The following DCTPP1 variants were observed in gnomAD, a reference collection of about 807,000 sequenced individuals.
DCTPP1 encodes dCTP pyrophosphatase 1.
A neutral mutation model predicts 8.8 loss-of-function variants in DCTPP1; 8 were observed. That is an observed-to-expected ratio of 0.91 (90% CI 0.54 to 1.64). DCTPP1 has a LOEUF of 1.64. Ranked by LOEUF, DCTPP1 falls within the 40% of genes most tolerant of loss-of-function variation. DCTPP1 has a pLI of 0.00. For synonymous variants in DCTPP1, 85 were observed against 92.1 expected, an observed-to-expected ratio of 0.92 and a Z score of 0.44; for missense variants, 231 against 230.4, an observed-to-expected ratio of 1.00 and a Z score of -0.02.
intron 2 of DCTPP1, among the ~76,000 whole-genome samples, chr16:30,425,726 A>G (rs1051635845): frequency 1.3e-5 from 2 of 152,120 alleles, no homozygotes; most frequent in Non-Finnish European, 2.9e-5. Context: ...GGAGGGCAGA[A>G]GAATCGCTTG....
At chr16:30,429,312 A>C in intron 1 of DCTPP1, 145 bp from the exon 2 acceptor site, 1 of 739,878 alleles carries the variant, frequency 1.4e-6, no homozygotes, top group Non-Finnish European at 2.1e-6. Context: ...TGTGCAGGTC[A>C]TTTCCTCTTT....
In DCTPP1 at chr16:30,429,088, C is replaced by T; in HGVS notation, c.181G>A (p.Val61Ile). Residue 61 changes from valine to isoleucine, a missense_variant, in exon 2 of 3, where the codon GTT becomes ATT. Physicochemically the swap from Val to Ile is conservative, Grantham distance 29. Transcript: ENST00000319285. ...TCTGCCAGCTCCCCCACTTCCCCAA[C>T]CAAGGCCAGGAGGAGATTCCGAGGC... ...HQPRNLLLAL[V>I]GEVGELAELF... 1 of 1,613,930 alleles carries T rather than the reference C, an allele frequency of 6.2e-7. No individual in the cohort carries two copies. The highest frequency in any genetic ancestry group is 8.5e-7 in the Non-Finnish European group (1 of 1,179,916).
intron 1 of DCTPP1, 179 bp from the exon 2 acceptor site, chr16:30,429,346 T>C: frequency 1.7e-6 from 1 of 575,720 alleles, no homozygotes; most frequent in Non-Finnish European, 2.9e-6. Context: ...CCCTCATCTA[T>C]AAAATGGGCG....
intron 2 of DCTPP1, among the ~76,000 whole-genome samples, chr16:30,426,616 C>T (rs905610846): frequency 3.3e-5 from 5 of 151,792 alleles, no homozygotes; most frequent in Admixed American, 1.3e-4. Flanking sequence ...TGATTATAGG[C>T]GCCTGTGACC....
At chr16:30,428,757 A>AC (rs1424876190) in intron 2 of DCTPP1, 1 of 417,936 alleles carries the variant, frequency 2.4e-6, no homozygotes, top group African/African-American at 2.1e-5. Context: ...ACAGAGCGAG[A>AC]CCCCGTCTCA....
chr16:30,424,616 A>C, intron 2 of DCTPP1, 83 bp from the exon 3 acceptor site: 1 of 1,515,400 alleles, frequency 6.6e-7, no homozygotes, highest in Non-Finnish European at 8.8e-7. Context: ...AATAACACCC[A>C]CCTCCAAGGA....
At position 30,424,534 on chromosome 16, in the gene DCTPP1, C is replaced by A; in HGVS notation, c.213-1G>T. 1 of 1,612,868 alleles carries A rather than the reference C, an allele frequency of 6.2e-7. No homozygotes were observed. ...AGGTTCCCCATCGGTTTTCCACTGA[C>A]TAGGGGCAGAACACAGACAGACACA... On this transcript the variant is annotated splice_acceptor_variant, in intron 2 of 2. Transcript: ENST00000319285. LOFTEE classifies it high-confidence loss of function.
Position 30,429,117 on chromosome 16 carries a change from T to C in DCTPP1, c.152A>G (p.His51Arg). 1 of 1,614,006 alleles carries C rather than the reference T, an allele frequency of 6.2e-7. No homozygotes were observed. Among genetic ancestry groups the C allele is most frequent in the Non-Finnish European group, 8.5e-7 (1 of 1,179,956 alleles). Reference sequence around the variant, plus strand: ...GGCCAGGAGGAGATTCCGAGGCTGATGGAACTGTTCCCAGTCTCGTTCCGC... The same window carrying C: ...GGCCAGGAGGAGATTCCGAGGCTGACGGAACTGTTCCCAGTCTCGTTCCGC... ...FAAERDWEQF[H>R]QPRNLLLALV... Residue 51 changes from histidine (H) to arginine (R), a missense_variant, in exon 2 of 3, where the codon CAT becomes CGT. Coordinates refer to ENST00000319285, the MANE Select transcript of DCTPP1 (RefSeq NM_024096.2).
chr16:30,424,877 G>T (rs1258677017), intron 2 of DCTPP1, among the ~76,000 whole-genome samples: 1 of 152,144 alleles, frequency 6.6e-6, no homozygotes, highest in African/African-American at 2.4e-5. Context: ...TTCTACTCCT[G>T]CCCAGACCAT....
Position 30,424,356 on chromosome 16 carries a change from T to A in DCTPP1, c.390A>T (p.Pro130=). The change falls in exon 3 of 3, where the codon CCA becomes CCT. Residue 130 remains proline (P), a synonymous_variant. Coordinates refer to ENST00000319285, the MANE Select transcript of DCTPP1 (RefSeq NM_024096.2). The part of the protein sequence containing the change: ...SKMDINRRRY[P]AHLARSSSRK... ...GGGAAGAGCTGCGGGCCAGATGGGC[T>A]GGGTAGCGTCGCCGGTTGATGTCCA... The A allele has an allele frequency of 1.2e-6, 2 of 1,614,226 alleles. No homozygotes were observed. The highest frequency in any genetic ancestry group is 1.3e-5 in the African/African-American group (1 of 75,066).
chr16:30,429,773 C>T (rs769942134), intron 1 of DCTPP1, 107 bp downstream of exon 1: 7 of 1,133,970 alleles, frequency 6.2e-6, no homozygotes, highest in Non-Finnish European at 8.6e-6. Flanking sequence ...AGAGCCAGGA[C>T]CCGAGCCCCG....
chr16:30,429,188 G>GT, intron 1 of DCTPP1, 21 bp from the exon 2 acceptor site: 2 of 1,613,244 alleles, frequency 1.2e-6, no homozygotes, highest in Non-Finnish European at 1.7e-6. Flanking sequence ...ACAAAGGAGT[G>GT]TAAGTCCAAG....
intron 2 of DCTPP1, 60 bp downstream of exon 2, chr16:30,428,997 A>C (rs2050209174): frequency 6.7e-7 from 1 of 1,500,568 alleles, no homozygotes; most frequent in Non-Finnish European, 9.0e-7. Flanking sequence ...AGACCAAATA[A>C]ATGCTCCCCT....
At chr16:30,427,577 T>A (rs1363069334) in intron 2 of DCTPP1, among the ~76,000 whole-genome samples, 1 of 152,242 alleles carries the variant, frequency 6.6e-6, no homozygotes, top group Non-Finnish European at 1.5e-5. Flanking sequence ...TAATTCCAGA[T>A]CTTCTAATAT....
chr16:30,429,780 C>A, intron 1 of DCTPP1, 100 bp downstream of exon 1: 2 of 1,218,004 alleles, frequency 1.6e-6, no homozygotes, highest in South Asian at 1.5e-5. Flanking sequence ...GGACCCGAGC[C>A]CCGCTGCCAG....
Position 30,430,015 on chromosome 16 carries a change from C to G in DCTPP1, c.-35G>C. 7.0e-7 allele frequency: 1 copy of G among 1,432,480 alleles called. No homozygotes were observed. The highest frequency in any genetic ancestry group is 9.2e-7 in the Non-Finnish European group (1 of 1,090,520). 88.7% of individuals were successfully genotyped at this position (1,432,480 alleles called of 1,614,324 possible). On this transcript the variant is annotated 5_prime_UTR_variant, in exon 1 of 3. Coordinates refer to ENST00000319285, the MANE Select transcript of DCTPP1 (RefSeq NM_024096.2). ...CGCTGCACCGCGACTTCACGGAAAA[C>G]CCACGAGCCACGCTCGAAGCCCCGC... is the stretch of plus-strand genomic sequence containing the variant.
In DCTPP1 at chr16:30,424,119, GTGGAGGCC is replaced by G; in HGVS notation, c.*106_*113del. On this transcript the variant is annotated 3_prime_UTR_variant, in exon 3 of 3. Coordinates refer to ENST00000319285, the MANE Select transcript of DCTPP1 (RefSeq NM_024096.2). The stretch of plus-strand genomic sequence containing the variant: ...GCTGCTGGGCCTCAGACCTCAAGAA[GTGGAGGCC>G]TCAGGCCCATGATCTATTCTGAAAA... 1.6e-6 allele frequency: 2 copies of G among 1,285,546 alleles called. No individual in the cohort carries two copies. The highest frequency in any genetic ancestry group is 1.5e-5 in the South Asian group (1 of 64,674). 79.6% of individuals were successfully genotyped at this position (1,285,546 alleles called of 1,614,324 possible).
Position 30,429,884 on chromosome 16 carries a change from C to G in DCTPP1, c.97G>C (p.Asp33His). The change falls in exon 1 of 3, where the codon GAC (aspartate) becomes CAC (histidine). Residue 33 changes from aspartate (D) to histidine (H), a missense_variant. Coordinates refer to ENST00000319285, the MANE Select transcript of DCTPP1 (RefSeq NM_024096.2). Reference sequence around the variant, plus strand: ...AGCTGGGCCAGGCCTGCTTACATGTCCTCGAGCGTGGGCTCCGGGCTGAAG... The same window carrying G: ...AGCTGGGCCAGGCCTGCTTACATGTGCTCGAGCGTGGGCTCCGGGCTGAAG... ...FSFSPEPTLE[D>H]IRRLHAEFAA... The G allele has an allele frequency of 6.3e-7, 1 of 1,598,592 alleles. No individual in the cohort carries two copies. Among genetic ancestry groups the G allele is most frequent in the Non-Finnish European group, 8.5e-7 (1 of 1,173,152 alleles).
rs142511988 is a variant in DCTPP1, at chr16:30,423,794, T to C, written c.*439A>G. ...TCATTTAGCTTGCAAGTGTCAAAGA[T>C]GGCATTTGAACCCAGACAGCCTGGC... On this transcript the variant is annotated 3_prime_UTR_variant, in exon 3 of 3. Transcript: ENST00000319285. 1.7e-4 allele frequency: 29 copies of C among 167,552 alleles called. No individual in the cohort carries two copies. In the East Asian group the frequency reaches 5.0e-3, roughly 29 times the overall value. The allele number at this position is 167,552 out of a possible 1,614,324, so 10.4% of individuals were successfully genotyped here.
Sources: allele counts gnomAD v4.1 joint callset (sites outside exome capture counted in the v4.1 genomes callset), GRCh38; gene constraint gnomAD v4.1.1; transcripts MANE v1.5; gene names NCBI Gene and HGNC (gene_info 2026-07-23, HGNC 2026-07-21).